Variants in CLNK observed in about 807,000 individuals in gnomAD.
CLNK encodes the protein cytokine-dependent hematopoietic cell linker.
In CLNK, 74 loss-of-function variants were observed where a neutral mutation model predicts 68.6. The ratio of observed to expected loss-of-function variants is 1.08; its 90% CI spans 0.89 to 1.31. The LOEUF is 1.31. Among genes scored for constraint, CLNK ranks in the 50% most tolerant of loss-of-function variants. CLNK has a pLI of 0.00. For synonymous variants in CLNK, 198 were observed against 172.2 expected, an observed-to-expected ratio of 1.15 and a Z score of -1.17; for missense variants, 553 against 515.3, an observed-to-expected ratio of 1.07 and a Z score of -0.71.
At chr4:10,693,393 A>G in the CLNK span, among the ~76,000 whole-genome samples, 1 of 152,246 alleles carries the variant, frequency 6.6e-6, no homozygotes, top group Admixed American at 6.5e-5. Flanking sequence ...AGAGAGCTGT[A>G]CAGAAAAGAG....
At chr4:10,511,955 A>G (rs1717601513) in intron 16 of CLNK, among the ~76,000 whole-genome samples, 1 of 152,232 alleles carries the variant, frequency 6.6e-6, no homozygotes, top group Non-Finnish European at 1.5e-5. Flanking sequence ...ATATAAAGTG[A>G]AAACAGGTCA....
intron 2 of CLNK, among the ~76,000 whole-genome samples, chr4:10,666,264 T>C (rs946618388): frequency 3.3e-5 from 5 of 152,202 alleles, no homozygotes; most frequent in African/African-American, 7.2e-5. Flanking sequence ...CAGGTGGTGG[T>C]AATTTGTTAG....
chr4:10,554,691 A>G (rs1028330423), intron 8 of CLNK, among the ~76,000 whole-genome samples: 3 of 152,236 alleles, frequency 2.0e-5, no homozygotes, highest in African/African-American at 7.2e-5. Flanking sequence ...AAAATGGTAG[A>G]AGAATAATAT....
At chr4:10,673,371 T>C (rs775192684) in intron 1 of CLNK, among the ~76,000 whole-genome samples, 1 of 151,864 alleles carries the variant, frequency 6.6e-6, no homozygotes, top group African/African-American at 2.4e-5. Flanking sequence ...TCCCCTTCTC[T>C]TGCCTGATTG....
chr4:10,712,418 C>T, the CLNK span, among the ~76,000 whole-genome samples: 1 of 152,210 alleles, frequency 6.6e-6, no homozygotes, highest in African/African-American at 2.4e-5. Flanking sequence ...ACCTCATTAG[C>T]TAACCACCCT....
intron 17 of CLNK, among the ~76,000 whole-genome samples, chr4:10,503,241 A>G (rs953703650): frequency 2.0e-5 from 3 of 152,220 alleles, no homozygotes; most frequent in Non-Finnish European, 1.5e-5. Context: ...CGGGTGGATC[A>G]CTTGAGGTCA....
the CLNK span, among the ~76,000 whole-genome samples, chr4:10,720,825 C>T: frequency 4.6e-5 from 7 of 151,430 alleles, 1 homozygote; most frequent in East Asian, 5.9e-4. Flanking sequence ...AACAATTGCA[C>T]TCCTGGGCAT....
intron 12 of CLNK, among the ~76,000 whole-genome samples, chr4:10,528,628 C>T (rs1422119126): frequency 1.3e-5 from 2 of 152,122 alleles, no homozygotes; most frequent in Admixed American, 6.5e-5. Context: ...TAAGATTATA[C>T]TGTAAGTAGG....
intron 2 of CLNK, among the ~76,000 whole-genome samples, chr4:10,634,500 C>G (rs992275121): frequency 6.6e-6 from 1 of 152,238 alleles, no homozygotes; most frequent in East Asian, 1.9e-4. Flanking sequence ...CTTTCTACCT[C>G]TCCACATTTG....
At chr4:10,558,510 T>C in intron 7 of CLNK, 58 bp from the exon 8 acceptor site, 2 of 1,494,794 alleles carry the variant, frequency 1.3e-6, no homozygotes, top group African/African-American at 2.7e-5. Context: ...CACTATCTGA[T>C]GTCTTGACAC....
chr4:10,578,013 G>A (rs1050184797), intron 4 of CLNK, among the ~76,000 whole-genome samples: 1 of 152,138 alleles, frequency 6.6e-6, no homozygotes, highest in African/African-American at 2.4e-5. Flanking sequence ...GGCAAACCCA[G>A]TTACTTACAA....
chr4:10,568,823 A>AT (rs1720224606), intron 5 of CLNK, among the ~76,000 whole-genome samples: 1 of 152,214 alleles, frequency 6.6e-6, no homozygotes, highest in Non-Finnish European at 1.5e-5. Context: ...TAGTTGAGCC[A>AT]TGCTGTGCCC....
At chr4:10,537,966 T>A (rs1465433631) in intron 11 of CLNK, among the ~76,000 whole-genome samples, 1 of 151,826 alleles carries the variant, frequency 6.6e-6, no homozygotes, top group African/African-American at 2.4e-5. Context: ...TTTTCTGAAG[T>A]CATACTGCCA....
At chr4:10,667,730 G>GGA in intron 2 of CLNK, 129 bp downstream of exon 2, 2 of 699,528 alleles carry the variant, frequency 2.9e-6, no homozygotes, top group Non-Finnish European at 4.5e-6. Flanking sequence ...CTCAACCATG[G>GGA]CCTCTCAGGA....
Position 10,508,055 on chromosome 4 carries a change from G to A in CLNK, c.907-19C>T. 1.9e-6 allele frequency: 3 copies of A among 1,585,598 alleles called. No homozygotes were observed. Among genetic ancestry groups the A allele is most frequent in the Admixed American group, 1.8e-5 (1 of 55,732 alleles). On this transcript the variant is annotated intron_variant, in intron 16 of 18. Transcript: ENST00000226951. ...GGACATCCTGCAGAACAGAATCAAT[G>A]ATAAATATTTTAGGGTCAATGGGAA... is the stretch of plus-strand genomic sequence containing the variant.
chr4:10,656,019 A>G (rs1723966638), intron 2 of CLNK, among the ~76,000 whole-genome samples: 1 of 152,138 alleles, frequency 6.6e-6, no homozygotes, highest in Non-Finnish European at 1.5e-5. Flanking sequence ...GAGAAAGAAA[A>G]GATCCCCAAA....
chr4:10,600,660 A>G (rs1216192031), intron 2 of CLNK, among the ~76,000 whole-genome samples: 3 of 152,220 alleles, frequency 2.0e-5, no homozygotes, highest in African/African-American at 7.2e-5. Flanking sequence ...TGTTTGTAAG[A>G]TAATAAATAG....
intron 2 of CLNK, among the ~76,000 whole-genome samples, chr4:10,621,210 C>A (rs914243228): frequency 1.3e-5 from 2 of 152,172 alleles, no homozygotes; most frequent in Admixed American, 1.3e-4. Context: ...GGACGTTTTT[C>A]CACAGTATGT....
At position 10,487,114 on chromosome 4, in the gene CLNK, GA is replaced by G. The variant is rs1359145359; in HGVS notation, c.*3352del. The G allele has an allele frequency of 6.6e-6, 1 of 152,170 alleles. No homozygotes were observed. The highest frequency in any genetic ancestry group is 1.5e-5 in the Non-Finnish European group (1 of 68,040). The allele number at this position is 152,170 out of a possible 1,614,324, so 9.4% of individuals were successfully genotyped here. A position where few individuals can be genotyped will look rare whatever the true frequency, so the allele number is the denominator to read the frequency against. Reference sequence around the variant, plus strand: ...AAAGCTAAAATTCTATTACTCTATTGAAATCAGATATCAAGTGATACTTTTA... The same window carrying G: ...AAAGCTAAAATTCTATTACTCTATTGAATCAGATATCAAGTGATACTTTTA... On this transcript the variant is annotated 3_prime_UTR_variant, in exon 19 of 19. Coordinates refer to ENST00000226951, the MANE Select transcript of CLNK (RefSeq NM_052964.4).
Sources: gnomAD v4.1 joint callset for allele counts (sites outside exome capture counted in the v4.1 genomes callset) on GRCh38, gnomAD v4.1.1 for gene constraint, MANE v1.5 for transcripts, NCBI Gene and HGNC (gene_info 2026-07-23, HGNC 2026-07-21) for gene names.